The following RNGTT variants were observed in gnomAD, a reference collection of about 807,000 sequenced individuals.
RNGTT encodes RNA guanylyltransferase and 5'-phosphatase.
Under a neutral mutation model 79.3 loss-of-function variants are expected in RNGTT, and 33 were observed. The observed-to-expected ratio is 0.42, with a 90% confidence interval of 0.32 to 0.56. The LOEUF is 0.56. RNGTT is among the 20% of genes least tolerant of loss of function. RNGTT has a pLI of 0.17. For synonymous variants in RNGTT, 222 were observed against 235.9 expected, an observed-to-expected ratio of 0.94 and a Z score of 0.54; for missense variants, 497 against 739.1, an observed-to-expected ratio of 0.67 and a Z score of 3.80.
chr6:88,632,434 A>C (rs758969253), intron 14 of RNGTT, among the ~76,000 whole-genome samples: 29 of 152,148 alleles, frequency 1.9e-4, no homozygotes, highest in Admixed American at 1.0e-3. Flanking sequence ...AACAAAAGGT[A>C]TAACTTTGCA....
At chr6:88,779,357 A>G (rs1398682521) in intron 12 of RNGTT, among the ~76,000 whole-genome samples, 1 of 152,198 alleles carries the variant, frequency 6.6e-6, no homozygotes, top group African/African-American at 2.4e-5. Context: ...ACCAATATCA[A>G]TCTAAGTTAT....
chr6:88,729,955 T>A (rs1777052220), intron 13 of RNGTT, among the ~76,000 whole-genome samples: 2 of 152,162 alleles, frequency 1.3e-5, no homozygotes, highest in African/African-American at 4.8e-5. Context: ...TTTATTCTTG[T>A]CAGGTGCTGT....
At chr6:88,634,569 A>T (rs1437434326) in intron 14 of RNGTT, among the ~76,000 whole-genome samples, 1 of 152,126 alleles carries the variant, frequency 6.6e-6, no homozygotes, top group Non-Finnish European at 1.5e-5. Flanking sequence ...GTCTGCCCTG[A>T]GTGTATAAAG....
At chr6:88,842,860 C>T (rs747639203) in intron 11 of RNGTT, among the ~76,000 whole-genome samples, 1 of 151,842 alleles carries the variant, frequency 6.6e-6, no homozygotes, top group Non-Finnish European at 1.5e-5. Flanking sequence ...TCACTTGAGC[C>T]CAGGAGTTGG....
chr6:88,885,599 G>A (rs1782830556), intron 8 of RNGTT, among the ~76,000 whole-genome samples: 1 of 152,170 alleles, frequency 6.6e-6, no homozygotes, highest in Non-Finnish European at 1.5e-5. Context: ...AATCATTAAT[G>A]AATGTTAAAA....
At chr6:88,620,313 A>G (rs957060267) in intron 14 of RNGTT, among the ~76,000 whole-genome samples, 1 of 152,214 alleles carries the variant, frequency 6.6e-6, no homozygotes, top group Admixed American at 6.5e-5. Context: ...TAGACAAGTC[A>G]CAACTAAAGG....
chr6:88,845,903 GA>G (rs1781467515), intron 10 of RNGTT, among the ~76,000 whole-genome samples: 1 of 151,770 alleles, frequency 6.6e-6, no homozygotes, highest in African/African-American at 2.4e-5. Context: ...CAACAAGGTT[GA>G]AAAATCTAAA....
intron 4 of RNGTT, among the ~76,000 whole-genome samples, chr6:88,913,737 C>T (rs1426407068): frequency 1.3e-5 from 2 of 152,012 alleles, no homozygotes; most frequent in Admixed American, 6.6e-5. Context: ...TATGCTAAAC[C>T]CACAGCCAAC....
At chr6:88,941,276 C>CT (rs374801509) in intron 1 of RNGTT, 96 bp from the exon 2 acceptor site, 580 of 829,450 alleles carry the variant, frequency 7.0e-4, no homozygotes, top group Middle Eastern at 1.0e-3. Flanking sequence ...TTCTTAAAAC[C>CT]TTTTTTTTTG....
At chr6:88,677,212 TTA>T (rs1774908081) in intron 14 of RNGTT, among the ~76,000 whole-genome samples, 2 of 151,406 alleles carry the variant, frequency 1.3e-5, no homozygotes, top group African/African-American at 4.9e-5. Flanking sequence ...ATGATTTCAC[TTA>T]TATAAAGCTC....
At chr6:88,933,270 C>A (rs1334721732) in intron 2 of RNGTT, among the ~76,000 whole-genome samples, 1 of 152,086 alleles carries the variant, frequency 6.6e-6, no homozygotes, top group Non-Finnish European at 1.5e-5. Context: ...AAGAGTATTT[C>A]AAGTTCTCTC....
intron 11 of RNGTT, among the ~76,000 whole-genome samples, chr6:88,806,972 C>T (rs772295929): frequency 6.6e-5 from 10 of 152,110 alleles, no homozygotes; most frequent in East Asian, 1.9e-4. Context: ...CCATTATCCT[C>T]GGCAAACTAA....
chr6:88,714,308 T>C (rs1390684283), intron 13 of RNGTT: 2 of 152,228 alleles, frequency 1.3e-5, no homozygotes, highest in Non-Finnish European at 2.9e-5. Context: ...TGTGGGAATA[T>C]GAAGCAAGAC....
chr6:88,738,305 T>C (rs1413679535), intron 13 of RNGTT, among the ~76,000 whole-genome samples: 1 of 152,154 alleles, frequency 6.6e-6, no homozygotes. Context: ...TGAGAAAATG[T>C]CACAGCCAAG....
chr6:88,658,168 A>T (rs1006846936), intron 14 of RNGTT, among the ~76,000 whole-genome samples: 7 of 152,220 alleles, frequency 4.6e-5, no homozygotes, highest in African/African-American at 1.7e-4. Flanking sequence ...AGCTCATAGC[A>T]GAACAATCCT....
At chr6:88,747,250 C>T (rs1048805871) in intron 13 of RNGTT, among the ~76,000 whole-genome samples, 14 of 152,096 alleles carry the variant, frequency 9.2e-5, no homozygotes, top group African/African-American at 2.9e-4. Context: ...ATTATCAGTC[C>T]GTCCTGCACA....
intron 11 of RNGTT, among the ~76,000 whole-genome samples, chr6:88,826,195 C>T (rs1039509094): frequency 7.9e-5 from 12 of 152,136 alleles, no homozygotes; most frequent in African/African-American, 2.7e-4. Context: ...CCGATAGCAT[C>T]TTATTTGGTA....
chr6:88,898,426 C>T (rs751401256), intron 6 of RNGTT, among the ~76,000 whole-genome samples: 28 of 152,222 alleles, frequency 1.8e-4, no homozygotes, highest in Middle Eastern at 3.4e-3. Flanking sequence ...TTCTGCTACT[C>T]ATCCCACATA....
chr6:88,640,285 C>A (rs1379226771), intron 14 of RNGTT, among the ~76,000 whole-genome samples: 1 of 151,352 alleles, frequency 6.6e-6, no homozygotes, highest in East Asian at 1.9e-4. Context: ...TGCAGTGGCT[C>A]ATGCCTGTAA....
Sources: allele counts gnomAD v4.1 joint callset (sites outside exome capture counted in the v4.1 genomes callset), GRCh38; gene constraint gnomAD v4.1.1; transcripts MANE v1.5; gene names NCBI Gene and HGNC (gene_info 2026-07-23, HGNC 2026-07-21).